The following MSANTD5 variants were observed in gnomAD, a reference collection of about 807,000 sequenced individuals.
The protein encoded by MSANTD5 is Myb/SANT DNA binding domain containing 5.
the MSANTD5 span, among the ~76,000 whole-genome samples, chr5:178,705,739 C>T: frequency 5.3e-5 from 8 of 152,154 alleles, no homozygotes; most frequent in South Asian, 2.1e-4. Flanking sequence ...GGGAGGATCA[C>T]GAGGTCAGGA....
chr5:178,692,926 G>A (rs1042404084), downstream of MSANTD5, among the ~76,000 whole-genome samples: 2 of 151,882 alleles, frequency 1.3e-5, no homozygotes, highest in Non-Finnish European at 2.9e-5. Context: ...CCCGGACATA[G>A]GGCCTAAGGG....
At chr5:178,694,850 T>C (rs543777505) in exon 4 of MSANTD5, 11 of 152,234 alleles carry the variant, frequency 7.2e-5, no homozygotes, top group African/African-American at 2.7e-4. Flanking sequence ...TCACAGGTGT[T>C]GGGGCCCACA....
upstream of MSANTD5, among the ~76,000 whole-genome samples, chr5:178,702,344 A>G (rs1333560819): frequency 7.5e-6 from 1 of 132,574 alleles, no homozygotes; most frequent in Non-Finnish European, 1.5e-5. Flanking sequence ...TCTGTCGCCC[A>G]GGCTGGAGTG....
At chr5:178,692,397 A>T (rs866106751), downstream of MSANTD5, among the ~76,000 whole-genome samples, 1 of 146,534 alleles carries the variant, frequency 6.8e-6, no homozygotes, top group East Asian at 2.0e-4. Flanking sequence ...AAAAAAAAAA[A>T]TTAAACATGC....
upstream of MSANTD5, among the ~76,000 whole-genome samples, chr5:178,698,687 C>T (rs945439480): frequency 1.3e-5 from 2 of 150,890 alleles, no homozygotes; most frequent in Admixed American, 6.6e-5. Flanking sequence ...TGAAGTGATC[C>T]TACTGCCTCA....
At chr5:178,704,404 C>A in the MSANTD5 span, among the ~76,000 whole-genome samples, 4 of 152,166 alleles carry the variant, frequency 2.6e-5, no homozygotes, top group East Asian at 7.7e-4. Context: ...CTTGATTCCC[C>A]CTTCACCACC....
At chr5:178,692,841 T>C (rs1274420595), downstream of MSANTD5, among the ~76,000 whole-genome samples, 1 of 151,900 alleles carries the variant, frequency 6.6e-6, no homozygotes, top group African/African-American at 2.4e-5. Context: ...TTTCTTCTGG[T>C]GACTCTCTTG....
chr5:178,704,199 G>C, the MSANTD5 span, among the ~76,000 whole-genome samples: 4 of 152,106 alleles, frequency 2.6e-5, no homozygotes, highest in African/African-American at 9.7e-5. Context: ...TGAAGTCATT[G>C]GACAAAAGTA....
upstream of MSANTD5, among the ~76,000 whole-genome samples, chr5:178,701,227 T>A (rs1765480171): frequency 6.6e-6 from 1 of 152,120 alleles, no homozygotes; most frequent in Admixed American, 6.6e-5. Context: ...TCTGCCCTCC[T>A]CGGCCTCCCA....
intron 1 of MSANTD5, among the ~76,000 whole-genome samples, chr5:178,696,673 T>C (rs767009845): frequency 2.6e-5 from 4 of 151,986 alleles, no homozygotes; most frequent in Non-Finnish European, 4.4e-5. Context: ...CCGCACGGAA[T>C]TTCCAGGCTG....
the MSANTD5 span, among the ~76,000 whole-genome samples, chr5:178,703,692 C>A: frequency 6.6e-6 from 1 of 151,698 alleles, no homozygotes; most frequent in Non-Finnish European, 1.5e-5. Context: ...AAAGAAAAGA[C>A]AAATATTTGG....
chr5:178,695,396 G>A (rs1765401433), exon 3 of MSANTD5: 1 of 152,222 alleles, frequency 6.6e-6, no homozygotes, highest in South Asian at 2.1e-4. Flanking sequence ...CCTGAATAGT[G>A]AAGTATAAGT....
chr5:178,695,220 T>C (rs953225526), intron 3 of MSANTD5, 67 bp downstream of exon 3: 1 of 151,306 alleles, frequency 6.6e-6, no homozygotes, highest in African/African-American at 2.4e-5. Context: ...ACAAGGATGG[T>C]GGGGGTGGGG....
upstream of MSANTD5, among the ~76,000 whole-genome samples, chr5:178,701,355 T>C (rs1442816837): frequency 1.3e-5 from 2 of 152,014 alleles, no homozygotes; most frequent in South Asian, 2.1e-4. Context: ...AAAAAATTAA[T>C]ATATGATTAA....
the MSANTD5 span, among the ~76,000 whole-genome samples, chr5:178,703,252 C>T: frequency 5.9e-5 from 9 of 152,210 alleles, no homozygotes; most frequent in East Asian, 1.9e-4. Context: ...GTGCGGAGGG[C>T]GCCCACGGGC....
At chr5:178,706,683 C>G in the MSANTD5 span, among the ~76,000 whole-genome samples, 1 of 148,162 alleles carries the variant, frequency 6.7e-6, no homozygotes, top group African/African-American at 2.4e-5. Context: ...CTCCAGCTAG[C>G]ATAAGACTCT....
chr5:178,695,259 C>T (rs1765399104), intron 3 of MSANTD5, 28 bp downstream of exon 3: 1 of 152,404 alleles, frequency 6.6e-6, no homozygotes, highest in African/African-American at 2.4e-5. Context: ...CTCACTAGAC[C>T]ATGGAGATGA....
At chr5:178,702,597 C>A (rs994445905), upstream of MSANTD5, among the ~76,000 whole-genome samples, 1 of 143,632 alleles carries the variant, frequency 7.0e-6, no homozygotes, top group East Asian at 2.1e-4. Context: ...CCGCACCCAG[C>A]CAATTTTTCT....
chr5:178,693,847 C>T (rs138435696), downstream of MSANTD5, among the ~76,000 whole-genome samples: 1 of 151,994 alleles, frequency 6.6e-6, no homozygotes, highest in Non-Finnish European at 1.5e-5. Context: ...CTCCAAGTCC[C>T]CACCCGACCC....
Sources: allele counts gnomAD v4.1 joint callset (sites outside exome capture counted in the v4.1 genomes callset), GRCh38; gene constraint gnomAD v4.1.1; transcripts MANE v1.5; gene names NCBI Gene and HGNC (gene_info 2026-07-23, HGNC 2026-07-21).